The following HSD17B11 variants were observed in gnomAD, a reference collection of about 807,000 sequenced individuals.
HSD17B11 encodes estradiol 17-beta-dehydrogenase 11.
Under a neutral mutation model 27.8 loss-of-function variants are expected in HSD17B11, and 22 were observed. The ratio of observed to expected loss-of-function variants is 0.79; its 90% confidence interval spans 0.56 to 1.13. The LOEUF is 1.13. Among genes scored for constraint, HSD17B11 ranks in the 50% most tolerant of loss-of-function variants. The pLI is 0.00. For synonymous variants in HSD17B11, 117 were observed against 132.8 expected (o/e 0.88, Z 0.82); for missense variants, 314 against 351.1 (o/e 0.89, Z 0.84).
intron 4 of HSD17B11, among the ~76,000 whole-genome samples, chr4:87,361,115 T>C (rs1735504589): frequency 6.6e-6 from 1 of 152,148 alleles, no homozygotes; most frequent in Admixed American, 6.5e-5. Context: ...GTTAAGGCAT[T>C]CTAAGTCATA....
intron 4 of HSD17B11, among the ~76,000 whole-genome samples, chr4:87,366,480 T>C (rs563045218): frequency 6.4e-4 from 97 of 152,318 alleles, no homozygotes; most frequent in Non-Finnish European, 1.2e-3. Context: ...CAGGAAGCAT[T>C]CTCAAATGTG....
intron 6 of HSD17B11, among the ~76,000 whole-genome samples, chr4:87,338,062 A>G (rs1479908816): frequency 6.6e-6 from 1 of 152,164 alleles, no homozygotes; most frequent in Non-Finnish European, 1.5e-5. Context: ...CTAAAAATAC[A>G]AAAAATTAGC....
At chr4:87,375,156 C>T (rs796238594) in intron 2 of HSD17B11, among the ~76,000 whole-genome samples, 11 of 152,320 alleles carry the variant, frequency 7.2e-5, no homozygotes, top group African/African-American at 2.6e-4. Context: ...ACCTCAGCCT[C>T]CCAAAGTGCT....
chr4:87,387,564 G>A (rs1341822269), intron 1 of HSD17B11, among the ~76,000 whole-genome samples: 1 of 152,168 alleles, frequency 6.6e-6, no homozygotes. Context: ...ATCAGGTTTA[G>A]TGGTTCTCAG....
intron 5 of HSD17B11, among the ~76,000 whole-genome samples, chr4:87,355,692 C>G (rs1310792453): frequency 6.6e-6 from 1 of 152,080 alleles, no homozygotes. Flanking sequence ...TCACTTGAGG[C>G]CTGGAGTTTG....
chr4:87,386,546 G>A (rs964928290), intron 1 of HSD17B11, among the ~76,000 whole-genome samples: 12 of 152,088 alleles, frequency 7.9e-5, no homozygotes, highest in African/African-American at 2.7e-4. Flanking sequence ...AAAAAATTCC[G>A]GACAGTGCCC....
chr4:87,338,948 A>G (rs1578031854), intron 6 of HSD17B11, among the ~76,000 whole-genome samples: 2 of 152,216 alleles, frequency 1.3e-5, no homozygotes, highest in East Asian at 3.8e-4. Context: ...TAAAAAACTA[A>G]TCCATGTTCA....
At chr4:87,383,847 G>C (rs952587200) in intron 1 of HSD17B11, among the ~76,000 whole-genome samples, 1 of 151,316 alleles carries the variant, frequency 6.6e-6, no homozygotes, top group Admixed American at 6.6e-5. Context: ...TGTTGGAAAA[G>C]TAATTGCTGT....
Position 87,374,794 on chromosome 4 carries a change from T to G in HSD17B11, c.355A>C (p.Asn119His), listed in dbSNP as rs957390735. 7.6e-6 allele frequency: 12 copies of G among 1,587,672 alleles called. 1 individual carries two copies. The Admixed American group carries it at 2.2e-4, about 29-fold the overall frequency. Residue 119 changes from asparagine to histidine, a missense_variant, in exon 3 of 7, where the codon AAT becomes CAT. Coordinates refer to ENST00000358290, the MANE Select transcript of HSD17B11 (RefSeq NM_016245.5). ...AEIGDVSILVNNAGVVYTSDL... is the reference protein window; with the variant it reads ...AEIGDVSILVHNAGVVYTSDL... ...GATGTATAGACTACACCAGCATTAT[T>G]TACTAAAATACTAACATCTCCAATT...
At chr4:87,338,065 A>C (rs1448144910) in intron 6 of HSD17B11, among the ~76,000 whole-genome samples, 1 of 152,194 alleles carries the variant, frequency 6.6e-6, no homozygotes, top group East Asian at 1.9e-4. Flanking sequence ...AAAATACAAA[A>C]AATTAGCCAG....
intron 2 of HSD17B11, among the ~76,000 whole-genome samples, chr4:87,378,835 T>A (rs1212863254): frequency 2.4e-5 from 1 of 41,852 alleles, no homozygotes; most frequent in African/African-American, 1.5e-4. Context: ...TATATAAATA[T>A]ATATATATAA....
chr4:87,388,380 G>A (rs1720373072), intron 1 of HSD17B11, among the ~76,000 whole-genome samples: 1 of 152,178 alleles, frequency 6.6e-6, no homozygotes, highest in African/African-American at 2.4e-5. Context: ...GCCACAAGAG[G>A]CTAGGGGCTA....
At chr4:87,382,860 G>A (rs977743954) in intron 1 of HSD17B11, among the ~76,000 whole-genome samples, 1 of 152,284 alleles carries the variant, frequency 6.6e-6, no homozygotes, top group South Asian at 2.1e-4. Flanking sequence ...AAATATGAAT[G>A]AGGTAGAGTC....
intron 2 of HSD17B11, among the ~76,000 whole-genome samples, chr4:87,377,229 A>G (rs987188618): frequency 3.9e-5 from 6 of 152,164 alleles, no homozygotes; most frequent in Non-Finnish European, 5.9e-5. Flanking sequence ...AGGCAGGTGG[A>G]TCATGAGGTC....
rs377396240 is a variant in HSD17B11, at chr4:87,390,880, A to G, written c.191T>C (p.Val64Ala). ...TGTTACCTTATTTATATCCCAGAGA[A>G]CCAGCTTGCTTTTAAGTTTAGCAAA... ...YEFAKLKSKL[V>A]LWDINKHGLE... The change falls in exon 1 of 7, where the codon GTT becomes GCT. Residue 64 changes from valine to alanine, a missense_variant. By Grantham distance (64) the Val-to-Ala change is moderately conservative. Transcript: ENST00000358290. 6.2e-7 allele frequency: 1 copy of G among 1,613,972 alleles called. No individual in the cohort carries two copies. Among genetic ancestry groups the G allele is most frequent in the Non-Finnish European group, 8.5e-7 (1 of 1,179,938 alleles).
rs1720022560 is a variant in HSD17B11, at chr4:87,378,891, TA to T, written c.318+3363del. On this transcript the variant is annotated intron_variant, in intron 2 of 6. Coordinates refer to ENST00000358290, the MANE Select transcript of HSD17B11 (RefSeq NM_016245.5). ...AAATATATATATATAAATATATATA[TA>T]TAAATATATATAAATATATATATAT... 2.1e-3 allele frequency among the ~76,000 whole-genome samples: 18 copies of T among 8,420 alleles called. 1 individual carries two copies. The highest frequency in any genetic ancestry group is 0.01 in the African/African-American group (17 of 1,664). The allele number at this position is 8,420 out of a possible 152,430, so 5.5% of individuals were successfully genotyped here. A position where few individuals can be genotyped will look rare whatever the true frequency, so the allele number is the denominator to read the frequency against.
chr4:87,371,366 A>C (rs1735712856), intron 4 of HSD17B11, among the ~76,000 whole-genome samples: 1 of 152,218 alleles, frequency 6.6e-6, no homozygotes, highest in Non-Finnish European at 1.5e-5. Flanking sequence ...AAGATCAAAA[A>C]TAGGCAAAAT....
intron 2 of HSD17B11, among the ~76,000 whole-genome samples, chr4:87,381,919 A>G (rs1279601295): frequency 6.6e-6 from 1 of 152,192 alleles, no homozygotes; most frequent in Non-Finnish European, 1.5e-5. Context: ...ATAGTTACCT[A>G]TATGAGCATC....
chr4:87,361,859 T>C (rs926410536), intron 4 of HSD17B11, among the ~76,000 whole-genome samples: 2 of 152,194 alleles, frequency 1.3e-5, no homozygotes, highest in Admixed American at 6.5e-5. Context: ...GGGGTCTGGA[T>C]CGGGACCCCT....
Sources: gnomAD v4.1 joint callset for allele counts (sites outside exome capture counted in the v4.1 genomes callset) on GRCh38, gnomAD v4.1.1 for gene constraint, MANE v1.5 for transcripts, NCBI Gene and HGNC (gene_info 2026-07-23, HGNC 2026-07-21) for gene names.